EFNA3: variants seen among roughly 807,000 people sequenced by gnomAD.
EFNA3 encodes ephrin A3, also known as ephrin-A3.
EFNA3 carries 15 observed loss-of-function variants against 25.0 expected under a neutral mutation model. The ratio of observed to expected loss-of-function variants is 0.60; its 90% CI spans 0.40 to 0.92. The LOEUF (loss-of-function observed/expected upper bound fraction) is 0.92. EFNA3 is among the 40% of genes least tolerant of loss of function. EFNA3 has a pLI of 0.00. For synonymous variants in EFNA3, 153 were observed against 145.6 expected (o/e 1.05, Z -0.37); for missense variants, 298 against 323.8 (o/e 0.92, Z 0.61).
chr1:155,083,709 A>G (rs2102452769), intron 1 of EFNA3, among the ~76,000 whole-genome samples: 1 of 152,320 alleles, frequency 6.6e-6, no homozygotes, highest in South Asian at 2.1e-4. Context: ...AGAAGCCTCC[A>G]CGCTCATTTC....
chr1:155,078,927 G>A lies in EFNA3; in HGVS notation c.-15G>A. 7.2e-7 allele frequency: 1 copy of A among 1,384,708 alleles called. No individual in the cohort carries two copies. The highest frequency in any genetic ancestry group is 9.3e-7 in the Non-Finnish European group (1 of 1,070,468). 85.8% of individuals were successfully genotyped at this position (1,384,708 alleles called of 1,614,324 possible). A position where few individuals can be genotyped will look rare whatever the true frequency, so the allele number is the denominator to read the frequency against. Reference sequence around the variant, plus strand: ...GGGGCTCAGTCGGGGGGCGGCGGCGGCGGCGGCTCCGGGGATGGCGGCGGC... The same window carrying A: ...GGGGCTCAGTCGGGGGGCGGCGGCGACGGCGGCTCCGGGGATGGCGGCGGC... On this transcript the variant is annotated 5_prime_UTR_variant, in exon 1 of 5. Transcript: ENST00000368408.
In EFNA3 at chr1:155,086,466, G is replaced by A. The variant is rs1011168191; in HGVS notation, c.640G>A (p.Gly214Arg). Reference sequence around the variant, plus strand: ...GCCCAAGCTTGAGAAGAGCATCAGCGGGACCAGCCCCAAACGGGAACACCT... The same window carrying A: ...GCCCAAGCTTGAGAAGAGCATCAGCAGGACCAGCCCCAAACGGGAACACCT... ...QVPKLEKSIS[G>R]TSPKREHLPL... Residue 214 changes from glycine to arginine, a missense_variant, in exon 5 of 5, where the codon GGG (glycine) becomes AGG (arginine). Gly to Arg is a moderately radical substitution (Grantham distance 125). Coordinates refer to ENST00000368408, the MANE Select transcript of EFNA3 (RefSeq NM_004952.5). 6.2e-7 allele frequency: 1 copy of A among 1,613,950 alleles called. No individual in the cohort carries two copies. The highest frequency in any genetic ancestry group is 1.7e-5 in the Admixed American group (1 of 59,998).
intron 1 of EFNA3, among the ~76,000 whole-genome samples, chr1:155,084,883 G>T (rs1663419191): frequency 6.6e-6 from 1 of 152,228 alleles, no homozygotes; most frequent in South Asian, 2.1e-4. Flanking sequence ...ACAGGAGAAG[G>T]ACAGACCAAG....
At position 155,079,175 on chromosome 1, in the gene EFNA3, A is replaced by T; in HGVS notation, c.128+106A>T. On this transcript the variant is annotated intron_variant, in intron 1 of 4. Transcript: ENST00000368408. This position sits in a 1 kb window ranked among gnomAD's most constrained non-coding sequence, Gnocchi z 7.7. ...CCCGGGGTGGGAGTCCTGGGAGACC[A>T]GAGCTGGGGGCTGGGAGGGGACGGA... 2 of 1,126,078 alleles carry T rather than the reference A, an allele frequency of 1.8e-6. No individual in the cohort carries two copies. The highest frequency in any genetic ancestry group is 1.7e-5 in the African/African-American group (1 of 60,200). 69.8% of individuals were successfully genotyped at this position (1,126,078 alleles called of 1,614,324 possible).
chr1:155,082,659 G>C (rs929691342), intron 1 of EFNA3, among the ~76,000 whole-genome samples: 2 of 152,170 alleles, frequency 1.3e-5, no homozygotes, highest in Admixed American at 6.5e-5. Context: ...AGGCTATAGG[G>C]GATGAAGTGG....
rs67333363 is a variant in EFNA3 at position 155,085,570 on chromosome 1, A to G, written c.442+166A>G. On this transcript the variant is annotated intron_variant, in intron 2 of 4. Transcript: ENST00000368408. This position sits in a 1 kb window ranked among gnomAD's most constrained non-coding sequence, Gnocchi z 4.4. ...ACGGGACGCCTGAGGGGTTCAGCTCAGACGAGGTCGTGGGGCCAAGAGAGG... is the reference window on the plus strand; with the variant it reads ...ACGGGACGCCTGAGGGGTTCAGCTCGGACGAGGTCGTGGGGCCAAGAGAGG... 54,353 of 885,702 alleles carry G rather than the reference A, an allele frequency of 0.061. 1,944 individuals carry two copies. Among genetic ancestry groups the G allele is most frequent in the African/African-American group, 0.091 (5,369 of 59,044 alleles). 54.9% of individuals were successfully genotyped at this position (885,702 alleles called of 1,614,324 possible).
In EFNA3 at chr1:155,082,487, A is replaced by T. The variant is rs113543623; in HGVS notation, c.129-2604A>T. 4.4e-4 allele frequency among the ~76,000 whole-genome samples: 67 copies of T among 152,238 alleles called. 2 individuals carry two copies. The highest frequency in any genetic ancestry group is 1.5e-3 in the African/African-American group (61 of 41,548). Reference sequence around the variant, plus strand: ...CCCCCTCCGCGGACACTCCGGGTTAAGTGGAGCCAGGCGCGGGCCGGCAGG... The same window carrying T: ...CCCCCTCCGCGGACACTCCGGGTTATGTGGAGCCAGGCGCGGGCCGGCAGG... On this transcript the variant is annotated intron_variant, in intron 1 of 4. Transcript: ENST00000368408.
At position 155,085,870 on chromosome 1, in the gene EFNA3, T is replaced by C; in HGVS notation, c.443-7T>C. On this transcript the variant is annotated splice_region_variant and splice_polypyrimidine_tract_variant and intron_variant, in intron 2 of 4. Coordinates refer to ENST00000368408, the MANE Select transcript of EFNA3 (RefSeq NM_004952.5). The surrounding 1 kb of genome is among the most constrained non-coding windows in gnomAD (Gnocchi z 4.4). ...CGAAAGTGACTCAGGCCCGGTCTCC[T>C]CCCCAGCCACGCCCACTCACAACCT... The C allele has an allele frequency of 1.2e-6, 2 of 1,612,744 alleles. No individual in the cohort carries two copies. The highest frequency in any genetic ancestry group is 1.7e-6 in the Non-Finnish European group (2 of 1,179,484).
In EFNA3 at chr1:155,078,878, G is replaced by A; in HGVS notation, c.-64G>A. 1 of 1,330,830 alleles carries A rather than the reference G, an allele frequency of 7.5e-7. No homozygotes were observed. Among genetic ancestry groups the A allele is most frequent in the Non-Finnish European group, 9.6e-7 (1 of 1,042,694 alleles). The allele number at this position is 1,330,830 out of a possible 1,614,324, so 82.4% of individuals were successfully genotyped here. A position where few individuals can be genotyped will look rare whatever the true frequency, so the allele number is the denominator to read the frequency against. On this transcript the variant is annotated 5_prime_UTR_variant, in exon 1 of 5. Coordinates refer to ENST00000368408, the MANE Select transcript of EFNA3 (RefSeq NM_004952.5). Reference sequence around the variant, plus strand: ...CCGACGGCGGCGGCAGCAGGGAGCTGGGAAGCGGAGAAGCCGGGAGCGCGG... The same window carrying A: ...CCGACGGCGGCGGCAGCAGGGAGCTAGGAAGCGGAGAAGCCGGGAGCGCGG...
rs1558146085 is a variant in EFNA3, at chr1:155,086,756, G to A, written c.*213G>A. The A allele has an allele frequency of 6.5e-6, 4 of 611,234 alleles. No individual in the cohort carries two copies. Among genetic ancestry groups the A allele is most frequent in the African/African-American group, 1.9e-5 (1 of 53,526 alleles). The allele number at this position is 611,234 out of a possible 1,614,324, so 37.9% of individuals were successfully genotyped here. A position where few individuals can be genotyped will look rare whatever the true frequency, so the allele number is the denominator to read the frequency against. Reference sequence around the variant, plus strand: ...AAGCACGGGGACAGCCATGGGTCCCGGGCGGCCTTGTGGCTCTGGTAATGT... The same window carrying A: ...AAGCACGGGGACAGCCATGGGTCCCAGGCGGCCTTGTGGCTCTGGTAATGT... On this transcript the variant is annotated 3_prime_UTR_variant, in exon 5 of 5. Transcript: ENST00000368408.
In EFNA3 at chr1:155,085,468, G is replaced by A. The variant is rs530249152; in HGVS notation, c.442+64G>A. ...GAGTCTGAGTGACAGCCGGGGGGTG[G>A]AGCCCCTAGGCTCCGGGGCGGGGCC... On this transcript the variant is annotated intron_variant, in intron 2 of 4. Coordinates refer to ENST00000368408, the MANE Select transcript of EFNA3 (RefSeq NM_004952.5). This position sits in a 1 kb window ranked among gnomAD's most constrained non-coding sequence, Gnocchi z 4.4. The A allele has an allele frequency of 3.0e-4, 436 of 1,459,292 alleles. 1 individual carries two copies. In the African/African-American group the frequency reaches 5.2e-3, roughly 17 times the overall value. 90.4% of individuals were successfully genotyped at this position (1,459,292 alleles called of 1,614,324 possible). A position where few individuals can be genotyped will look rare whatever the true frequency, so the allele number is the denominator to read the frequency against.
intron 1 of EFNA3, among the ~76,000 whole-genome samples, chr1:155,082,736 ACCCTT>A (rs1281763976): frequency 1.0e-4 from 15 of 147,360 alleles, no homozygotes; most frequent in Admixed American, 1.0e-3. Context: ...GCCCACCCCC[ACCCTT>A]CCGCAGGAGG....
In EFNA3 at chr1:155,085,274, C is replaced by T. The variant is rs748483095; in HGVS notation, c.312C>T (p.Gly104=). ...NGYRTCNASQ[G]FKRWECNRPH... ...ACCGCACCTGCAACGCCAGCCAGGG[C>T]TTCAAGCGCTGGGAGTGCAACCGGC... The change falls in exon 2 of 5, where the codon GGC becomes GGT. Residue 104 remains glycine (G), a synonymous_variant. Coordinates refer to ENST00000368408, the MANE Select transcript of EFNA3 (RefSeq NM_004952.5). This position sits in a 1 kb window ranked among gnomAD's most constrained non-coding sequence, Gnocchi z 4.4. 46 of 1,612,864 alleles carry T rather than the reference C, an allele frequency of 2.9e-5. No homozygotes were observed. The highest frequency in any genetic ancestry group is 3.9e-5 in the Non-Finnish European group (46 of 1,179,640).
chr1:155,084,513 G>C lies in EFNA3; in HGVS notation c.129-578G>C, dbSNP rs563295930. Among the ~76,000 whole-genome samples the C allele has an allele frequency of 2.0e-5, 3 of 152,360 alleles. No homozygotes were observed. In the East Asian group the frequency reaches 5.8e-4, roughly 29 times the overall value. On this transcript the variant is annotated intron_variant, in intron 1 of 4. Coordinates refer to ENST00000368408, the MANE Select transcript of EFNA3 (RefSeq NM_004952.5). ...TGCCATAGAACTTATGCATGTATAT[G>C]CATGAAGCCGCCATACATGCGTCTG...
chr1:155,080,947 C>A lies in EFNA3; in HGVS notation c.128+1878C>A, dbSNP rs906636603. Among the ~76,000 whole-genome samples the A allele has an allele frequency of 6.6e-6, 1 of 152,112 alleles. No individual in the cohort carries two copies. Among genetic ancestry groups the A allele is most frequent in the African/African-American group, 2.4e-5 (1 of 41,432 alleles). On this transcript the variant is annotated intron_variant, in intron 1 of 4. Transcript: ENST00000368408. This position sits in a 1 kb window ranked among gnomAD's most constrained non-coding sequence, Gnocchi z 7.0. ...GCGGCCCCATAAATCGTGAGAGCGA[C>A]GTGCTCCGGAGCCGAGAATGGAGAG... is the stretch of plus-strand genomic sequence containing the variant.
At chr1:155,083,564 C>G (rs1663384110) in intron 1 of EFNA3, among the ~76,000 whole-genome samples, 1 of 152,224 alleles carries the variant, frequency 6.6e-6, no homozygotes, top group Non-Finnish European at 1.5e-5. Context: ...CCAATTCTTA[C>G]TGGGGTACCC....
rs780182607 is a variant in EFNA3 at position 155,085,080 on chromosome 1, C to G, written c.129-11C>G. On this transcript the variant is annotated splice_polypyrimidine_tract_variant and intron_variant, in intron 1 of 4. Transcript: ENST00000368408. The surrounding 1 kb of genome is among the most constrained non-coding windows in gnomAD (Gnocchi z 4.4). ...GTTTCTTCTCTCTGAGCCGCTTCCT[C>G]TTCCCCACAGCCTGCGGCGAGAGGG... is the stretch of plus-strand genomic sequence containing the variant. 1 of 1,613,026 alleles carries G rather than the reference C, an allele frequency of 6.2e-7. No individual in the cohort carries two copies.
At chr1:155,082,990 A>G (rs1663374346) in intron 1 of EFNA3, among the ~76,000 whole-genome samples, 1 of 152,178 alleles carries the variant, frequency 6.6e-6, no homozygotes, top group Admixed American at 6.5e-5. Flanking sequence ...TCTTTCTCTC[A>G]CATGCCCAGC....
At chr1:155,084,714 G>A (rs1042055228) in intron 1 of EFNA3, among the ~76,000 whole-genome samples, 1 of 152,252 alleles carries the variant, frequency 6.6e-6, no homozygotes, top group African/African-American at 2.4e-5. Flanking sequence ...GGGATGGACG[G>A]AGGAAATCCG....
Sources: allele counts gnomAD v4.1 joint callset (sites outside exome capture counted in the v4.1 genomes callset), GRCh38; gene constraint gnomAD v4.1.1; non-coding constraint Gnocchi (gnomAD v3.1); transcripts MANE v1.5; gene names NCBI Gene and HGNC (gene_info 2026-07-23, HGNC 2026-07-21).